The following CDK19 variants were observed in gnomAD, a reference collection of about 807,000 sequenced individuals.
CDK19 encodes the protein cyclin-dependent kinase 19.
CDK19 carries 20 observed loss-of-function variants against 68.3 expected under a neutral mutation model. The ratio of observed to expected loss-of-function variants is 0.29; its 90% CI spans 0.21 to 0.43. The LOEUF (loss-of-function observed/expected upper bound fraction) is 0.43, where lower values mean the gene tolerates loss of function less well. CDK19 is among the 20% of genes least tolerant of loss of function. CDK19 has a pLI of 1.00. For missense variants in CDK19, 339 were observed against 623.5 expected, an observed-to-expected ratio of 0.54 and a Z score of 4.86; for synonymous variants, 221 against 222.8, an observed-to-expected ratio of 0.99 and a Z score of 0.07.
In CDK19 at chr6:110,622,808, T is replaced by C; in HGVS notation, c.1031+7A>G. ...AGCAAAGGACACAGAAAAGACAGGA[T>C]ACATACTCTAATGTTGGCAAAGGGT... On this transcript the variant is annotated splice_region_variant and intron_variant, in intron 10 of 12. Transcript: ENST00000368911. 6.4e-7 allele frequency: 1 copy of C among 1,560,100 alleles called. No individual in the cohort carries two copies. The highest frequency in any genetic ancestry group is 8.8e-7 in the Non-Finnish European group (1 of 1,130,510).
intron 1 of CDK19, among the ~76,000 whole-genome samples, chr6:110,800,944 A>G (rs1782298524): frequency 6.6e-6 from 1 of 152,142 alleles, no homozygotes; most frequent in South Asian, 2.1e-4. Flanking sequence ...TGGAAGCCCT[A>G]GCCAGAGCAA....
At chr6:110,689,954 C>T (rs1459931821) in intron 2 of CDK19, among the ~76,000 whole-genome samples, 1 of 152,186 alleles carries the variant, frequency 6.6e-6, no homozygotes, top group East Asian at 1.9e-4. Context: ...ATTGCGACAG[C>T]AGGCTTTGAG....
At chr6:110,659,764 A>G (rs1781506395) in intron 4 of CDK19, among the ~76,000 whole-genome samples, 1 of 152,182 alleles carries the variant, frequency 6.6e-6, no homozygotes, top group Non-Finnish European at 1.5e-5. Flanking sequence ...AAATTAGGAA[A>G]CATATTTTGA....
intron 2 of CDK19, among the ~76,000 whole-genome samples, chr6:110,690,538 A>G (rs561956384): frequency 2.0e-4 from 30 of 152,342 alleles, no homozygotes; most frequent in Middle Eastern, 3.4e-3. Context: ...TTTCTACCCA[A>G]GGACACCTCC....
In CDK19 at chr6:110,621,113, C is replaced by G. The variant is rs780395226; in HGVS notation, c.1368G>C (p.Ser456=). The G allele has an allele frequency of 2.5e-6, 4 of 1,612,392 alleles. No individual in the cohort carries two copies. The South Asian group carries it at 3.3e-5, about 13-fold the overall frequency. The part of the protein sequence containing the change: ...GANSGGPVMP[S]DYQHSSSRLN... ...GACATTCAGGGAGTACCTGATAATCCGAGGGCATCACAGGTCCACCTGAGT... is the reference window on the plus strand; with the variant it reads ...GACATTCAGGGAGTACCTGATAATCGGAGGGCATCACAGGTCCACCTGAGT... The change falls in exon 12 of 13, where the codon TCG becomes TCC. Residue 456 remains serine (S), a synonymous_variant. Coordinates refer to ENST00000368911, the MANE Select transcript of CDK19 (RefSeq NM_015076.5). The surrounding 1 kb of genome is among the most constrained non-coding windows in gnomAD (Gnocchi z 5.4).
At chr6:110,769,645 T>C (rs1779869220) in intron 1 of CDK19, among the ~76,000 whole-genome samples, 1 of 151,968 alleles carries the variant, frequency 6.6e-6, no homozygotes, top group Non-Finnish European at 1.5e-5. Context: ...CTCTACTTTC[T>C]ACTCCAGGTT....
chr6:110,814,518 C>G, intron 1 of CDK19: 1 of 444,606 alleles, frequency 2.2e-6, no homozygotes, highest in Non-Finnish European at 4.5e-6. Context: ...GTGGGGCTGG[C>G]GAGGACCCCA....
chr6:110,668,164 T>C (rs559237450), intron 3 of CDK19, among the ~76,000 whole-genome samples: 1 of 152,304 alleles, frequency 6.6e-6, no homozygotes, highest in Non-Finnish European at 1.5e-5. Context: ...ATCCACGTTA[T>C]ATTGTGGGTT....
intron 2 of CDK19, among the ~76,000 whole-genome samples, chr6:110,677,695 CT>C (rs1771648776): frequency 6.6e-6 from 1 of 152,012 alleles, no homozygotes; most frequent in African/African-American, 2.4e-5. Flanking sequence ...AGGTACCACC[CT>C]TTGATTACCT....
At chr6:110,636,733 G>C (rs1012608261) in intron 5 of CDK19, among the ~76,000 whole-genome samples, 1 of 152,202 alleles carries the variant, frequency 6.6e-6, no homozygotes, top group Non-Finnish European at 1.5e-5. Context: ...AACAAAAAGG[G>C]AAATGAATAG....
At chr6:110,647,147 T>C (rs947655155) in intron 4 of CDK19, among the ~76,000 whole-genome samples, 6 of 152,036 alleles carry the variant, frequency 3.9e-5, no homozygotes, top group African/African-American at 1.2e-4. Flanking sequence ...AACAACCGCC[T>C]CCTGGTGGTG....
chr6:110,701,412 C>T (rs1773996090), intron 2 of CDK19, among the ~76,000 whole-genome samples: 1 of 149,608 alleles, frequency 6.7e-6, no homozygotes, highest in Non-Finnish European at 1.5e-5. Context: ...ATTAGCCGAG[C>T]ATGGTGGCGG....
At chr6:110,793,491 TATGAAA>T (rs1358302874) in intron 1 of CDK19, among the ~76,000 whole-genome samples, 6 of 152,214 alleles carry the variant, frequency 3.9e-5, no homozygotes, top group African/African-American at 1.4e-4. Flanking sequence ...TTTGGTTGAT[TATGAAA>T]AGTCTTTACA....
chr6:110,617,850 C>G (rs1778435813), intron 12 of CDK19, among the ~76,000 whole-genome samples: 1 of 88,020 alleles, frequency 1.1e-5, no homozygotes, highest in Non-Finnish European at 2.0e-5. Flanking sequence ...CAGTGAGACT[C>G]TGTCTCAAAA....
At chr6:110,628,208 C>G (rs1259618003) in intron 6 of CDK19, among the ~76,000 whole-genome samples, 1 of 151,950 alleles carries the variant, frequency 6.6e-6, no homozygotes, top group Non-Finnish European at 1.5e-5. Flanking sequence ...GAAACACCAT[C>G]TTGGAAAAAA....
At chr6:110,781,788 G>A (rs1780844715) in intron 1 of CDK19, among the ~76,000 whole-genome samples, 1 of 150,920 alleles carries the variant, frequency 6.6e-6, no homozygotes, top group Non-Finnish European at 1.5e-5. Flanking sequence ...AAGCTGCGGT[G>A]AGCCAAGATC....
chr6:110,792,391 A>G (rs928925161), intron 1 of CDK19, among the ~76,000 whole-genome samples: 8 of 151,664 alleles, frequency 5.3e-5, no homozygotes, highest in African/African-American at 1.9e-4. Context: ...TCCTAATATA[A>G]TAAACTTTTT....
chr6:110,753,063 G>C (rs1041798663), intron 1 of CDK19, among the ~76,000 whole-genome samples: 2 of 151,054 alleles, frequency 1.3e-5, no homozygotes, highest in African/African-American at 4.9e-5. Context: ...CAAGTAGCTG[G>C]AATTACAGGC....
intron 2 of CDK19, among the ~76,000 whole-genome samples, chr6:110,710,403 C>A (rs2114686378): frequency 6.6e-6 from 1 of 152,266 alleles, no homozygotes; most frequent in Admixed American, 6.5e-5. Context: ...GAGCCAAACA[C>A]AGAAACAACT....
Sources: gnomAD v4.1 joint callset for allele counts (sites outside exome capture counted in the v4.1 genomes callset) on GRCh38, gnomAD v4.1.1 for gene constraint, Gnocchi (gnomAD v3.1) non-coding constraint, MANE v1.5 for transcripts, NCBI Gene and HGNC (gene_info 2026-07-23, HGNC 2026-07-21) for gene names.